Variants in SLC2A13 observed in about 807,000 individuals in gnomAD.
The protein encoded by SLC2A13 is solute carrier family 2 member 13.
In SLC2A13, 32 loss-of-function variants were observed where a neutral mutation model predicts 64.4. That is an observed-to-expected ratio of 0.50 (90% CI 0.37 to 0.67). The LOEUF is 0.67. SLC2A13 is among the 30% of genes least tolerant of loss of function. SLC2A13 has a pLI of 0.00. For synonymous variants in SLC2A13, 338 were observed against 327.1 expected, an observed-to-expected ratio of 1.03 and a Z score of -0.36; for missense variants, 743 against 829.2, an observed-to-expected ratio of 0.90 and a Z score of 1.28.
chr12:39,901,896 T>C (rs1945126200), intron 4 of SLC2A13, among the ~76,000 whole-genome samples: 1 of 151,698 alleles, frequency 6.6e-6, no homozygotes, highest in Admixed American at 6.6e-5. Context: ...TGCACACGTA[T>C]GTTTATTGCG....
At chr12:40,062,774 A>G (rs1948444449) in intron 1 of SLC2A13, among the ~76,000 whole-genome samples, 1 of 152,156 alleles carries the variant, frequency 6.6e-6, no homozygotes, top group Non-Finnish European at 1.5e-5. Context: ...GGGTGACATT[A>G]ACATTAATTA....
At chr12:39,886,560 C>T (rs537580892) in intron 4 of SLC2A13, among the ~76,000 whole-genome samples, 42 of 151,898 alleles carry the variant, frequency 2.8e-4, no homozygotes, top group African/African-American at 9.4e-4. Context: ...AACCATCTGG[C>T]TAATTCTGAA....
At chr12:39,925,709 C>T (rs1040656550) in intron 4 of SLC2A13, among the ~76,000 whole-genome samples, 7 of 152,132 alleles carry the variant, frequency 4.6e-5, no homozygotes, top group Admixed American at 3.3e-4. Context: ...ACTAGTAATG[C>T]TAGCCCTCTA....
At chr12:39,890,477 A>T (rs1944576586) in intron 4 of SLC2A13, among the ~76,000 whole-genome samples, 1 of 152,140 alleles carries the variant, frequency 6.6e-6, no homozygotes, top group Non-Finnish European at 1.5e-5. Flanking sequence ...AGACAGGGAG[A>T]TTATTCTGGA....
chr12:39,806,489 CTTCTATCT>C (rs1941982712), intron 7 of SLC2A13, among the ~76,000 whole-genome samples: 1 of 152,134 alleles, frequency 6.6e-6, no homozygotes, highest in South Asian at 2.1e-4. Context: ...GTCACACAGG[CTTCTATCT>C]GATTGCATTT....
chr12:39,807,831 AC>A (rs1157832565), intron 7 of SLC2A13, among the ~76,000 whole-genome samples: 1 of 152,134 alleles, frequency 6.6e-6, no homozygotes, highest in Non-Finnish European at 1.5e-5. Flanking sequence ...TAATAATCGT[AC>A]CAGGAGAATC....
intron 3 of SLC2A13, among the ~76,000 whole-genome samples, chr12:40,023,151 C>T (rs1232040816): frequency 2.6e-5 from 4 of 152,224 alleles, no homozygotes; most frequent in Admixed American, 2.6e-4. Context: ...GGTTCTAACA[C>T]CACCATCTGT....
chr12:39,869,209 T>C (rs781139745), intron 5 of SLC2A13, among the ~76,000 whole-genome samples: 7 of 152,190 alleles, frequency 4.6e-5, no homozygotes, highest in Non-Finnish European at 1.0e-4. Context: ...GAAAAATCAA[T>C]TGTGAGTGAG....
chr12:40,006,977 C>T (rs956012892), intron 3 of SLC2A13, among the ~76,000 whole-genome samples: 2 of 152,122 alleles, frequency 1.3e-5, no homozygotes, highest in Non-Finnish European at 2.9e-5. Context: ...TTCCAGTTTC[C>T]AGCAATGGGT....
At chr12:39,916,161 A>G (rs1455500701) in intron 4 of SLC2A13, among the ~76,000 whole-genome samples, 1 of 151,878 alleles carries the variant, frequency 6.6e-6, no homozygotes, top group Non-Finnish European at 1.5e-5. Flanking sequence ...TATTATTAAT[A>G]ATTTTAGATG....
intron 1 of SLC2A13, among the ~76,000 whole-genome samples, chr12:40,070,342 T>C (rs1247566285): frequency 6.6e-6 from 1 of 152,164 alleles, no homozygotes; most frequent in African/African-American, 2.4e-5. Context: ...AAATAACTGC[T>C]TTGTTCTGAT....
At chr12:39,999,153 C>T (rs931500544) in intron 3 of SLC2A13, among the ~76,000 whole-genome samples, 1 of 152,222 alleles carries the variant, frequency 6.6e-6, no homozygotes, top group Non-Finnish European at 1.5e-5. Flanking sequence ...CACCTCAGGG[C>T]CACTATGATA....
intron 7 of SLC2A13, among the ~76,000 whole-genome samples, chr12:39,786,252 G>A (rs995407501): frequency 2.0e-5 from 3 of 152,086 alleles, no homozygotes; most frequent in African/African-American, 7.2e-5. Context: ...TCTTTCCCAT[G>A]CTATCCTCGT....
chr12:40,042,170 G>A (rs1243009246), intron 2 of SLC2A13, among the ~76,000 whole-genome samples: 1 of 152,002 alleles, frequency 6.6e-6, no homozygotes, highest in African/African-American at 2.4e-5. Flanking sequence ...ACATGAAAAT[G>A]ACTAGCACAA....
chr12:39,786,372 A>ATGATTCTGAGGCCTCCCCAG (rs1555235726), intron 7 of SLC2A13, among the ~76,000 whole-genome samples: 1 of 149,998 alleles, frequency 6.7e-6, no homozygotes, highest in African/African-American at 2.5e-5. Context: ...TTCATCTCCC[A>ATGATTCTGAGGCCTCCCCAG]CCATGATTCT....
At chr12:39,880,059 C>T (rs1039953902) in intron 4 of SLC2A13, among the ~76,000 whole-genome samples, 6 of 152,272 alleles carry the variant, frequency 3.9e-5, no homozygotes, top group East Asian at 1.9e-4. Flanking sequence ...CTCTCTCTCG[C>T]GCTTGCTCTT....
chr12:39,763,464 T>A (rs1429514803), intron 9 of SLC2A13, among the ~76,000 whole-genome samples: 1 of 152,078 alleles, frequency 6.6e-6, no homozygotes, highest in African/African-American at 2.4e-5. Flanking sequence ...TTGGTGCTTA[T>A]CAGGTGAACA....
intron 3 of SLC2A13, among the ~76,000 whole-genome samples, chr12:39,997,985 A>G (rs1035194560): frequency 6.6e-6 from 1 of 152,238 alleles, no homozygotes; most frequent in Non-Finnish European, 1.5e-5. Flanking sequence ...AACTAAAAGT[A>G]AAACTATCAT....
intron 6 of SLC2A13, among the ~76,000 whole-genome samples, chr12:39,850,092 T>A (rs996441260): frequency 6.6e-6 from 1 of 152,142 alleles, no homozygotes; most frequent in African/African-American, 2.4e-5. Context: ...TCATGTTCCC[T>A]GCTTTGGCCT....
Sources: gnomAD v4.1 joint callset for allele counts (sites outside exome capture counted in the v4.1 genomes callset) on GRCh38, gnomAD v4.1.1 for gene constraint, MANE v1.5 for transcripts, NCBI Gene and HGNC (gene_info 2026-07-23, HGNC 2026-07-21) for gene names.